Variants in SLC37A1 observed in about 807,000 individuals in gnomAD.
SLC37A1 encodes the protein solute carrier family 37 member 1.
A neutral mutation model predicts 75.3 loss-of-function variants in SLC37A1; 49 were observed. The ratio of observed to expected loss-of-function variants is 0.65; its 90% CI spans 0.52 to 0.83. The LOEUF (loss-of-function observed/expected upper bound fraction) is 0.83, where lower values mean the gene tolerates loss of function less well. Among genes scored for constraint, SLC37A1 ranks in the 40% least tolerant of loss-of-function variants. The probability of loss-of-function intolerance (pLI) is 0.00; values close to 1 mark genes in which losing one functional copy is unlikely to be tolerated. For synonymous variants in SLC37A1, 268 were observed against 292.1 expected, an observed-to-expected ratio of 0.92 and a Z score of 0.84; for missense variants, 566 against 695.0, an observed-to-expected ratio of 0.81 and a Z score of 2.09.
rs138206056 is a variant in SLC37A1, at chr21:42,543,542, G to A, written c.670G>A (p.Val224Ile). 149 of 1,613,714 alleles carry A rather than the reference G, an allele frequency of 9.2e-5. No homozygotes were observed. The highest frequency in any genetic ancestry group is 8.4e-4 in the African/African-American group (63 of 74,932). ...WVSTCWGLSF[V>I]VPGAIVAAMG... ...GTCCACATGCTGGGGCCTGTCCTTCGTCGTGCCTGGAGCCATCGTGGCAGC... is the reference window on the plus strand; with the variant it reads ...GTCCACATGCTGGGGCCTGTCCTTCATCGTGCCTGGAGCCATCGTGGCAGC... Residue 224 changes from valine (V) to isoleucine (I), a missense_variant, in exon 8 of 20, where the codon GTC (valine) becomes ATC (isoleucine). By Grantham distance (29) the Val-to-Ile change is conservative. Transcript: ENST00000352133.
intron 2 of SLC37A1, among the ~76,000 whole-genome samples, chr21:42,505,976 C>G (rs2054381005): frequency 6.6e-6 from 1 of 152,144 alleles, no homozygotes; most frequent in African/African-American, 2.4e-5. Flanking sequence ...GAAACTGGAG[C>G]ACAAATTGGT....
At position 42,547,167 on chromosome 21, in the gene SLC37A1, T is replaced by G; in HGVS notation, c.768+27T>G. 6.2e-7 allele frequency: 1 copy of G among 1,614,082 alleles called. No individual in the cohort carries two copies. Among genetic ancestry groups the G allele is most frequent in the South Asian group, 1.1e-5 (1 of 91,082 alleles). On this transcript the variant is annotated intron_variant, in intron 9 of 19. Transcript: ENST00000352133. The surrounding 1 kb of genome is among the most constrained non-coding windows in gnomAD (Gnocchi z 6.1). ...TAAGGACCCTGTTTTCTTGTCCTTTTCTAGAACAGTGTGCGGTTCTGACCA... is the reference window on the plus strand; with the variant it reads ...TAAGGACCCTGTTTTCTTGTCCTTTGCTAGAACAGTGTGCGGTTCTGACCA...
chr21:42,518,539 A>G, intron 2 of SLC37A1, 29 bp downstream of exon 2: 2 of 1,613,734 alleles, frequency 1.2e-6, no homozygotes, highest in South Asian at 1.1e-5. Flanking sequence ...GGCCCTTGGC[A>G]TGGAGCTGTG....
intron 18 of SLC37A1, chr21:42,576,105 G>T (rs557375554): frequency 2.1e-4 from 70 of 326,650 alleles, no homozygotes; most frequent in Non-Finnish European, 2.8e-4. Flanking sequence ...GGAATCAACG[G>T]GTTGGGGTGG....
intron 9 of SLC37A1, among the ~76,000 whole-genome samples, chr21:42,550,417 T>C (rs1158677781): frequency 2.6e-5 from 4 of 152,238 alleles, no homozygotes; most frequent in African/African-American, 9.6e-5. Flanking sequence ...GGAGGAAATC[T>C]GAATAGATCT....
chr21:42,571,462 C>T (rs189388442), intron 17 of SLC37A1, among the ~76,000 whole-genome samples: 22 of 152,294 alleles, frequency 1.4e-4, no homozygotes, highest in Non-Finnish European at 2.6e-4. Context: ...TAAAGTAAAA[C>T]ATAATGTACC....
rs2055435039 is a variant in SLC37A1, at chr21:42,547,323, T to G, written c.768+183T>G. On this transcript the variant is annotated intron_variant, in intron 9 of 19. Transcript: ENST00000352133. The surrounding 1 kb of genome is among the most constrained non-coding windows in gnomAD (Gnocchi z 6.1). The stretch of plus-strand genomic sequence containing the variant: ...GTTTTGGGTTTCGCTGATAATAACC[T>G]TATCAGCAAAACCCAGACAAGAGGT... 4.7e-6 allele frequency: 3 copies of G among 636,602 alleles called. No homozygotes were observed. The highest frequency in any genetic ancestry group is 8.3e-6 in the Non-Finnish European group (3 of 363,206). 39.4% of individuals were successfully genotyped at this position (636,602 alleles called of 1,614,324 possible). A position where few individuals can be genotyped will look rare whatever the true frequency, so the allele number is the denominator to read the frequency against.
rs1411824054 is a variant in SLC37A1, at chr21:42,545,792, G to T, written c.731-1311G>T. ...ACATCACAGGTGGACCATTGGGACT[G>T]CCCAACATGCCGACCATGTGTCCTT... On this transcript the variant is annotated intron_variant, in intron 8 of 19. Transcript: ENST00000352133. The surrounding 1 kb of genome is among the most constrained non-coding windows in gnomAD (Gnocchi z 4.0). Among the ~76,000 whole-genome samples, 1 of 152,254 alleles carries T rather than the reference G, an allele frequency of 6.6e-6. No individual in the cohort carries two copies. The highest frequency in any genetic ancestry group is 1.9e-4 in the East Asian group (1 of 5,208).
At chr21:42,538,796 T>C (rs975064963) in intron 5 of SLC37A1, among the ~76,000 whole-genome samples, 3 of 152,232 alleles carry the variant, frequency 2.0e-5, no homozygotes, top group Non-Finnish European at 2.9e-5. Flanking sequence ...GAGGCTGTTT[T>C]AGTGAGGCGC....
In SLC37A1 at chr21:42,562,069, C is replaced by T. The variant is rs761612954; in HGVS notation, c.982-9C>T. ...TTTGGAGGAGACGCCTGACTGCTCTCTCTTTCAGGGCGTGATAGAGTTCTC... is the reference window on the plus strand; with the variant it reads ...TTTGGAGGAGACGCCTGACTGCTCTTTCTTTCAGGGCGTGATAGAGTTCTC... On this transcript the variant is annotated splice_polypyrimidine_tract_variant and intron_variant, in intron 11 of 19. Transcript: ENST00000352133. 1.3e-5 allele frequency: 21 copies of T among 1,613,356 alleles called. No homozygotes were observed. The highest frequency in any genetic ancestry group is 1.8e-5 in the Non-Finnish European group (21 of 1,179,260).
intron 18 of SLC37A1, among the ~76,000 whole-genome samples, chr21:42,577,632 G>C (rs773725334): frequency 4.6e-5 from 7 of 152,282 alleles, no homozygotes; most frequent in Non-Finnish European, 8.8e-5. Context: ...AGAGAACCTA[G>C]GGTCAGGGGA....
chr21:42,563,862 G>A lies in SLC37A1; in HGVS notation c.1120G>A (p.Val374Met), dbSNP rs756652721. The A allele has an allele frequency of 6.1e-5, 98 of 1,614,198 alleles. No homozygotes were observed. The highest frequency in any genetic ancestry group is 7.3e-5 in the Non-Finnish European group (86 of 1,180,032). ...GGGGGAGCTCTCCACCCTGTTTGAC[G>A]TGGGCGGAATCTTTGGTGAGTTCAT... ...KAGELSTLFD[V>M]GGIFGGILAG... Residue 374 changes from valine (V) to methionine (M), a missense_variant, in exon 13 of 20, where the codon GTG (valine) becomes ATG (methionine). Physicochemically the swap from Val to Met is conservative, Grantham distance 21. Coordinates refer to ENST00000352133, the MANE Select transcript of SLC37A1 (RefSeq NM_001320537.2).
chr21:42,510,555 C>G (rs527864468), upstream of SLC37A1, among the ~76,000 whole-genome samples: 1 of 151,650 alleles, frequency 6.6e-6, no homozygotes, highest in Admixed American at 6.6e-5. Context: ...GGATTAAATT[C>G]TGCAATCAAA....
chr21:42,525,769 G>A lies in SLC37A1; in HGVS notation c.57-7G>A, dbSNP rs1302059380. 5 of 1,609,752 alleles carry A rather than the reference G, an allele frequency of 3.1e-6. No individual in the cohort carries two copies. The Admixed American group carries it at 8.3e-5, about 27-fold the overall frequency. On this transcript the variant is annotated splice_polypyrimidine_tract_variant and splice_region_variant and intron_variant, in intron 2 of 19. Transcript: ENST00000352133. ...ATATCATCCTCTCCCACTGTTTTGTGTTTCAGGTACAGAGCCTTCATTTTT... is the reference window on the plus strand; with the variant it reads ...ATATCATCCTCTCCCACTGTTTTGTATTTCAGGTACAGAGCCTTCATTTTT...
intron 10 of SLC37A1, among the ~76,000 whole-genome samples, chr21:42,554,755 C>T (rs1164678535): frequency 6.6e-6 from 1 of 152,212 alleles, no homozygotes; most frequent in Non-Finnish European, 1.5e-5. Context: ...TCTGCCTTGT[C>T]ATCCGCGGTA....
Position 42,518,798 on chromosome 21 carries a change from A to G in SLC37A1, c.56+288A>G, listed in dbSNP as rs767924480. ...CCCTACAGAAAAATGACCACTGACT[A>G]CCAGCAGGGTTAGCAAATGGCTGTG... On this transcript the variant is annotated intron_variant, in intron 2 of 19. Transcript: ENST00000352133. 2.0e-5 allele frequency among the ~76,000 whole-genome samples: 3 copies of G among 152,148 alleles called. No homozygotes were observed. In the East Asian group the frequency reaches 5.8e-4, roughly 29 times the overall value.
chr21:42,552,779 C>T lies in SLC37A1; in HGVS notation c.769-1283C>T, dbSNP rs967595460. 6.6e-6 allele frequency among the ~76,000 whole-genome samples: 1 copy of T among 152,212 alleles called. No homozygotes were observed. Among genetic ancestry groups the T allele is most frequent in the Admixed American group, 6.5e-5 (1 of 15,278 alleles). On this transcript the variant is annotated intron_variant, in intron 9 of 19. Coordinates refer to ENST00000352133, the MANE Select transcript of SLC37A1 (RefSeq NM_001320537.2). The surrounding 1 kb of genome is among the most constrained non-coding windows in gnomAD (Gnocchi z 4.2). ...TAGGCTTTGCCTGAGCACCCACGTT[C>T]CTGGCTGAAAAGCAGGAAGAAGAGG...
rs1569037624 is a variant in SLC37A1, at chr21:42,568,365, T to G, written c.1350T>G (p.Thr450=). 4 of 1,613,960 alleles carry G rather than the reference T, an allele frequency of 2.5e-6. No homozygotes were observed. ...CTGTTTTTCCTCTCTTCTAGGGGAC[T>G]CATAAAAGTCTGAAAGGCAACGCGC... ...ITTAVSADLG[T]HKSLKGNAHA... is the part of the protein sequence containing the mutation. The change falls in exon 17 of 20, where the codon ACT becomes ACG. Residue 450 remains threonine (T), a synonymous_variant. Coordinates refer to ENST00000352133, the MANE Select transcript of SLC37A1 (RefSeq NM_001320537.2).
At chr21:42,503,216 G>A (rs2054355692) in intron 2 of SLC37A1, among the ~76,000 whole-genome samples, 1 of 151,092 alleles carries the variant, frequency 6.6e-6, no homozygotes, top group South Asian at 2.1e-4. Context: ...AGTTGAACAA[G>A]GTAAGGGGTA....
Sources: gnomAD v4.1 joint callset for allele counts (sites outside exome capture counted in the v4.1 genomes callset) on GRCh38, gnomAD v4.1.1 for gene constraint, Gnocchi (gnomAD v3.1) non-coding constraint, MANE v1.5 for transcripts, NCBI Gene and HGNC (gene_info 2026-07-23, HGNC 2026-07-21) for gene names.